Variants in MYLK3 observed in about 807,000 individuals in gnomAD.
MYLK3 encodes the protein MLC kinase.
MYLK3 carries 55 observed loss-of-function variants against 76.3 expected under a neutral mutation model. That is an observed-to-expected ratio of 0.72 (90% CI 0.58 to 0.90). MYLK3 has a LOEUF of 0.90. MYLK3 is among the 40% of genes least tolerant of loss of function. The pLI is 0.00. For synonymous variants in MYLK3, 416 were observed against 425.4 expected (o/e 0.98, Z 0.27); for missense variants, 973 against 1,053.6 (o/e 0.92, Z 1.06).
At chr16:46,748,548 A>C (rs1313963017), upstream of MYLK3, among the ~76,000 whole-genome samples, 1 of 152,208 alleles carries the variant, frequency 6.6e-6, no homozygotes, top group Admixed American at 6.5e-5. The surrounding 1 kb of genome is among the most constrained non-coding windows in gnomAD (Gnocchi z 4.3). Flanking sequence ...AGCAGGGTTC[A>C]TGCAACTAAT....
At chr16:46,742,801 G>A (rs1016300054) in intron 1 of MYLK3, among the ~76,000 whole-genome samples, 6 of 152,178 alleles carry the variant, frequency 3.9e-5, no homozygotes, top group East Asian at 1.9e-4. Flanking sequence ...GATCACCAGC[G>A]TCATCAATGT....
At chr16:46,762,102 C>T (rs1567295695) in intron 1 of MYLK3, among the ~76,000 whole-genome samples, 1 of 152,176 alleles carries the variant, frequency 6.6e-6, no homozygotes, top group East Asian at 1.9e-4. Context: ...TCTGCCACCC[C>T]GCAGGCGGGC....
intron 9 of MYLK3, among the ~76,000 whole-genome samples, chr16:46,713,497 C>T (rs1431246072): frequency 6.6e-6 from 1 of 152,080 alleles, no homozygotes; most frequent in Non-Finnish European, 1.5e-5. Flanking sequence ...TACACCCAGC[C>T]GGTATATATG....
In MYLK3 at chr16:46,704,475, T is replaced by A. The variant is rs1165352706; in HGVS notation, c.*3229A>T. The A allele has an allele frequency of 6.6e-6, 1 of 152,158 alleles. No homozygotes were observed. The highest frequency in any genetic ancestry group is 1.5e-5 in the Non-Finnish European group (1 of 68,054). The allele number at this position is 152,158 out of a possible 1,614,324, so 9.4% of individuals were successfully genotyped here. On this transcript the variant is annotated 3_prime_UTR_variant, in exon 13 of 13. Coordinates refer to ENST00000394809, the MANE Select transcript of MYLK3 (RefSeq NM_182493.3). ...TCTCTTTTTTTTTGAGACGGAGTTT[T>A]GCTCTTGTTGCCCAGGCTGGAGTTC...
intron 1 of MYLK3, among the ~76,000 whole-genome samples, chr16:46,758,485 G>A (rs1447929042): frequency 1.3e-5 from 2 of 152,118 alleles, no homozygotes; most frequent in African/African-American, 4.8e-5. Flanking sequence ...CTGTGGGGTG[G>A]GTCATTGTTT....
intron 9 of MYLK3, among the ~76,000 whole-genome samples, chr16:46,719,932 C>T (rs1966782957): frequency 6.6e-6 from 1 of 152,146 alleles, no homozygotes; most frequent in Admixed American, 6.6e-5. Flanking sequence ...AATCCCAGTA[C>T]TTTGGGAGTC....
At chr16:46,732,932 C>T (rs931877313) in intron 3 of MYLK3, among the ~76,000 whole-genome samples, 5 of 152,216 alleles carry the variant, frequency 3.3e-5, no homozygotes, top group African/African-American at 4.8e-5. Flanking sequence ...CCCAGGAGAA[C>T]TGAGGCCTGT....
chr16:46,750,850 G>C (rs961151019), upstream of MYLK3, among the ~76,000 whole-genome samples: 10 of 151,686 alleles, frequency 6.6e-5, no homozygotes, highest in Admixed American at 6.6e-4. Flanking sequence ...AAAATTAGCC[G>C]GGTGTGGTAG....
intron 1 of MYLK3, among the ~76,000 whole-genome samples, chr16:46,757,800 C>T (rs538199426): frequency 1.3e-5 from 2 of 152,308 alleles, no homozygotes; most frequent in South Asian, 2.1e-4. Flanking sequence ...AAACAAACAC[C>T]GTGTGGTCCA....
At chr16:46,742,669 C>T (rs1349177110) in intron 1 of MYLK3, among the ~76,000 whole-genome samples, 1 of 152,116 alleles carries the variant, frequency 6.6e-6, no homozygotes, top group African/African-American at 2.4e-5. Flanking sequence ...CATTATTTTG[C>T]GATTCCAGGA....
upstream of MYLK3, among the ~76,000 whole-genome samples, chr16:46,750,743 A>T (rs1967112726): frequency 6.6e-6 from 1 of 152,088 alleles, no homozygotes; most frequent in Admixed American, 6.6e-5. Flanking sequence ...TAATCCCAGC[A>T]CTTTGGGAGG....
intron 10 of MYLK3, 78 bp from the exon 11 acceptor site, chr16:46,710,867 A>G (rs775616113): frequency 3.2e-6 from 5 of 1,574,586 alleles, no homozygotes; most frequent in Non-Finnish European, 4.3e-6. Flanking sequence ...AGAAGCTTAC[A>G]GAGTTCAAGT....
chr16:46,710,458 T>C (rs923435671), intron 11 of MYLK3, among the ~76,000 whole-genome samples, 179 bp downstream of exon 11: 1 of 152,258 alleles, frequency 6.6e-6, no homozygotes, highest in African/African-American at 2.4e-5. Flanking sequence ...TGTTGTTTCA[T>C]TGATTTCCTT....
At chr16:46,747,028 A>C (rs1054299441) in intron 1 of MYLK3, among the ~76,000 whole-genome samples, 3 of 152,096 alleles carry the variant, frequency 2.0e-5, no homozygotes, top group Admixed American at 1.3e-4. Context: ...AGGTTGTCTG[A>C]GTGTTGCTAA....
At chr16:46,753,793 C>T (rs1967161950) in intron 1 of MYLK3, among the ~76,000 whole-genome samples, 1 of 152,124 alleles carries the variant, frequency 6.6e-6, no homozygotes, top group Non-Finnish European at 1.5e-5. Flanking sequence ...TGCACCTGTA[C>T]TCCCAGATAT....
intron 1 of MYLK3, among the ~76,000 whole-genome samples, chr16:46,754,594 G>A (rs901527106): frequency 6.6e-6 from 1 of 152,140 alleles, no homozygotes; most frequent in Non-Finnish European, 1.5e-5. Flanking sequence ...CAGCAAGAAG[G>A]TCCTCACCAG....
At chr16:46,707,935 CA>C (rs1314817807) in intron 12 of MYLK3, among the ~76,000 whole-genome samples, 172 bp from the exon 13 acceptor site, 1 of 151,780 alleles carries the variant, frequency 6.6e-6, no homozygotes, top group Non-Finnish European at 1.5e-5. Flanking sequence ...ACATGACTTT[CA>C]GGGGCATGTT....
Position 46,747,743 on chromosome 16 carries a change from C to T in MYLK3, c.451G>A (p.Gly151Ser), listed in dbSNP as rs779724170. Residue 151 changes from glycine (G) to serine (S), a missense_variant, in exon 1 of 13, where the codon GGC becomes AGC. By Grantham distance (56) the Gly-to-Ser change is moderately conservative. Around this residue, in one of 2 missense-constraint regions of MYLK3, gnomAD observed 641 missense variants for 637.0 expected, o/e 1.01. Coordinates refer to ENST00000394809, the MANE Select transcript of MYLK3 (RefSeq NM_182493.3). ...TCCTCAGGGCTGTCACCTGGGCTGC[C>T]TCTCCTCCAGGGCACACGCCCCTGC... Reference protein sequence around the residue: ...LMQGRVPWRRGSPGDSPEENK... With the variant: ...LMQGRVPWRRSSPGDSPEENK... 6.2e-7 allele frequency: 1 copy of T among 1,614,014 alleles called. No homozygotes were observed. The highest frequency in any genetic ancestry group is 2.2e-5 in the East Asian group (1 of 44,880).
intron 1 of MYLK3, among the ~76,000 whole-genome samples, chr16:46,742,075 C>T (rs1342557292): frequency 1.3e-5 from 2 of 151,896 alleles, no homozygotes; most frequent in African/African-American, 4.8e-5. Flanking sequence ...GAATTGTTTC[C>T]CATTTTTATT....
Sources: allele counts gnomAD v4.1 joint callset (sites outside exome capture counted in the v4.1 genomes callset), GRCh38; gene constraint gnomAD v4.1.1; regional missense constraint gnomAD v4.1.1; non-coding constraint Gnocchi (gnomAD v3.1); transcripts MANE v1.5; gene names NCBI Gene and HGNC (gene_info 2026-07-23, HGNC 2026-07-21).